FLT4: variants seen among roughly 807,000 people sequenced by gnomAD.
FLT4 encodes the protein fms related receptor tyrosine kinase 4.
In FLT4, 30 loss-of-function variants were observed where a neutral mutation model predicts 163.2. The observed-to-expected ratio is 0.18, with a 90% CI of 0.14 to 0.25. The LOEUF (loss-of-function observed/expected upper bound fraction) is 0.25. Ranked by LOEUF, FLT4 falls within the 10% of genes least tolerant of loss-of-function variation. The pLI is 1.00. For missense variants in FLT4, 1,510 were observed against 1,863.8 expected, an observed-to-expected ratio of 0.81 and a Z score of 3.50; for synonymous variants, 884 against 789.5, an observed-to-expected ratio of 1.12 and a Z score of -2.01.
chr5:180,650,169 CAAAAA>C (rs397719371), upstream of FLT4, among the ~76,000 whole-genome samples: 4 of 82,290 alleles, frequency 4.9e-5, no homozygotes, highest in South Asian at 5.0e-4. Flanking sequence ...GTCTGGGAGC[CAAAAA>C]AAAAAAAAAA....
At position 180,631,531 on chromosome 5, in the gene FLT4, T is replaced by C. The variant is rs1452112499; in HGVS notation, c.155+151A>G. ...TGGTTGAGGCTGGGGAGGACCGAAG[T>C]CACCCACAGCCTGGGAGACCACACG... is the stretch of plus-strand genomic sequence containing the variant. On this transcript the variant is annotated intron_variant, in intron 2 of 29. Coordinates refer to ENST00000261937, the MANE Select transcript of FLT4 (RefSeq NM_182925.5). 20 of 695,898 alleles carry C rather than the reference T, an allele frequency of 2.9e-5. No homozygotes were observed. In the East Asian group the frequency reaches 5.4e-4, roughly 19 times the overall value. The allele number at this position is 695,898 out of a possible 1,614,324, so 43.1% of individuals were successfully genotyped here.
chr5:180,602,240 G>T lies in FLT4; in HGVS notation c.*952C>A, dbSNP rs1761553537. The stretch of plus-strand genomic sequence containing the variant: ...CACAGTGTTCATCTCTCATGAGCTG[G>T]TTCACGGCTTGGGAGGGGCCGCAGG... On this transcript the variant is annotated 3_prime_UTR_variant, in exon 30 of 30. Coordinates refer to ENST00000261937, the MANE Select transcript of FLT4 (RefSeq NM_182925.5). The T allele has an allele frequency of 4.1e-6, 1 of 242,306 alleles. No homozygotes were observed. The highest frequency in any genetic ancestry group is 1.8e-4 in the South Asian group (1 of 5,618). The allele number at this position is 242,306 out of a possible 1,614,324, so 15.0% of individuals were successfully genotyped here.
intron 12 of FLT4, 80 bp downstream of exon 12, chr5:180,622,651 A>G: frequency 2.4e-6 from 2 of 839,746 alleles, no homozygotes; most frequent in South Asian, 2.8e-5. Flanking sequence ...TGTCCCAAAG[A>G]CCCCAGAAAC....
intron 8 of FLT4, among the ~76,000 whole-genome samples, chr5:180,628,551 G>A (rs1184215321): frequency 6.6e-6 from 1 of 152,244 alleles, no homozygotes; most frequent in Non-Finnish European, 1.5e-5. Flanking sequence ...ATTGCTGCAG[G>A]GCAGGCCCTG....
chr5:180,641,154 C>T (rs79778505), intron 1 of FLT4, among the ~76,000 whole-genome samples: 15,411 of 152,246 alleles, frequency 0.1, 1,251 homozygotes, highest in East Asian at 0.47. Context: ...TGTCCTCCCT[C>T]GTCCTCTGTG....
At chr5:180,610,122 G>C in intron 27 of FLT4, 97 bp from the exon 28 acceptor site, 1 of 1,576,736 alleles carries the variant, frequency 6.3e-7, no homozygotes, top group South Asian at 1.1e-5. Context: ...TCCTGGAAAG[G>C]ACCCCCCGCC....
intron 8 of FLT4, 92 bp from the exon 9 acceptor site, chr5:180,626,357 G>T (rs1230546273): frequency 2.1e-6 from 3 of 1,435,566 alleles, no homozygotes; most frequent in Non-Finnish European, 1.9e-6. Flanking sequence ...GTTGGGAGGA[G>T]GGAGGGGCTG....
At chr5:180,626,348 T>C (rs1763611647) in intron 8 of FLT4, 83 bp from the exon 9 acceptor site, 1 of 1,499,482 alleles carries the variant, frequency 6.7e-7, no homozygotes, top group South Asian at 1.1e-5. Context: ...CCAAATACAG[T>C]TGGGAGGAGG....
At chr5:180,628,859 C>CG (rs777217544) in intron 8 of FLT4, 23 bp downstream of exon 8, 2 of 1,511,324 alleles carry the variant, frequency 1.3e-6, no homozygotes, top group East Asian at 2.3e-5. Context: ...TCGGCGGGGT[C>CG]GGTGGGGAGC....
At chr5:180,609,502 T>A in intron 28 of FLT4, 1 of 349,592 alleles carries the variant, frequency 2.9e-6, no homozygotes, top group South Asian at 3.0e-5. Flanking sequence ...AACTGCGATC[T>A]TTTCAGAGTC....
chr5:180,607,628 G>T (rs192824109), intron 29 of FLT4, among the ~76,000 whole-genome samples: 2 of 114,076 alleles, frequency 1.8e-5, no homozygotes, highest in African/African-American at 5.8e-5. Flanking sequence ...GAGACAGAGC[G>T]AGACTGTCTC....
chr5:180,649,619 T>G (rs2127879608), upstream of FLT4: 1 of 717,714 alleles, frequency 1.4e-6, no homozygotes, highest in Non-Finnish European at 1.8e-6. Flanking sequence ...GGGCGCCGGC[T>G]GGCCTGGGGC....
upstream of FLT4, among the ~76,000 whole-genome samples, chr5:180,649,842 G>A (rs1765660494): frequency 6.6e-6 from 1 of 152,110 alleles, no homozygotes; most frequent in Non-Finnish European, 1.5e-5. Context: ...CGGAGGTGAT[G>A]GAGCCTGGTG....
Position 180,614,223 on chromosome 5 carries a change from CGGAGGGAAGCGTGTCCCGT to C in FLT4, c.3220-63_3220-45del, listed in dbSNP as rs748454266. The C allele has an allele frequency of 1.8e-5, 24 of 1,328,878 alleles. No homozygotes were observed. The African/African-American group carries it at 3.5e-4, about 19-fold the overall frequency. 82.3% of individuals were successfully genotyped at this position (1,328,878 alleles called of 1,614,324 possible). A position where few individuals can be genotyped will look rare whatever the true frequency, so the allele number is the denominator to read the frequency against. The stretch of plus-strand genomic sequence containing the variant: ...GCTTGTCCCGTGGTGGATGGGGAGA[CGGAGGGAAGCGTGTCCCGT>C]GGTGGATGGGGAGACGGAGGGAAGC... On this transcript the variant is annotated intron_variant, in intron 23 of 29. Transcript: ENST00000261937.
rs1394270279 is a variant in FLT4, at chr5:180,621,913, G to A, written c.1658-9C>T. ...GAAGCCGTCGGGGATGGCTGTGGAG[G>A]GAGGAAGAAGCCCTGTGGCACTGCC... is the stretch of plus-strand genomic sequence containing the variant. On this transcript the variant is annotated splice_polypyrimidine_tract_variant and intron_variant, in intron 12 of 29. Coordinates refer to ENST00000261937, the MANE Select transcript of FLT4 (RefSeq NM_182925.5). 1.9e-6 allele frequency: 3 copies of A among 1,613,054 alleles called. No individual in the cohort carries two copies. Among genetic ancestry groups the A allele is most frequent in the Admixed American group, 1.7e-5 (1 of 59,996 alleles).
At chr5:180,612,333 G>A in intron 26 of FLT4, 173 bp downstream of exon 26, 2 of 642,022 alleles carry the variant, frequency 3.1e-6, no homozygotes, top group East Asian at 2.7e-5. Flanking sequence ...GTACTCAACA[G>A]AAAGATGCAA....
intron 29 of FLT4, 76 bp from the exon 30 acceptor site, chr5:180,603,466 ACT>A: frequency 2.2e-6 from 3 of 1,379,734 alleles, no homozygotes; most frequent in African/African-American, 1.4e-5. Context: ...TAATCCCAGT[ACT>A]TGGGAGGCCT....
rs1026350699 is a variant in FLT4, at chr5:180,602,441, G to A, written c.*751C>T. The A allele has an allele frequency of 3.6e-5, 14 of 391,574 alleles. No homozygotes were observed. The highest frequency in any genetic ancestry group is 8.2e-5 in the African/African-American group (4 of 48,530). 24.3% of individuals were successfully genotyped at this position (391,574 alleles called of 1,614,324 possible). ...AGACTCAGTACAGCTGTCCCTGGGC[G>A]CCTTCCAGGCTGAATTCGGAAAGCA... is the stretch of plus-strand genomic sequence containing the variant. On this transcript the variant is annotated 3_prime_UTR_variant, in exon 30 of 30. Coordinates refer to ENST00000261937, the MANE Select transcript of FLT4 (RefSeq NM_182925.5).
chr5:180,643,964 G>A (rs1281880542), intron 1 of FLT4, among the ~76,000 whole-genome samples: 1 of 152,078 alleles, frequency 6.6e-6, no homozygotes, highest in Non-Finnish European at 1.5e-5. Context: ...TGGGATTACA[G>A]ACGCCTGCCA....
Sources: gnomAD v4.1 joint callset for allele counts (sites outside exome capture counted in the v4.1 genomes callset) on GRCh38, gnomAD v4.1.1 for gene constraint, MANE v1.5 for transcripts, NCBI Gene and HGNC (gene_info 2026-07-23, HGNC 2026-07-21) for gene names.